CACNG4: variants seen among roughly 807,000 people sequenced by gnomAD.
CACNG4 encodes the protein voltage-dependent calcium channel gamma-4 subunit.
CACNG4 carries 8 observed loss-of-function variants against 22.9 expected under a neutral mutation model. The observed-to-expected ratio is 0.35, with a 90% CI of 0.21 to 0.63. The LOEUF is 0.63. CACNG4 is among the 30% of genes least tolerant of loss of function. The pLI is 0.72. For synonymous variants in CACNG4, 188 were observed against 191.9 expected, an observed-to-expected ratio of 0.98 and a Z score of 0.17; for missense variants, 357 against 455.4, an observed-to-expected ratio of 0.78 and a Z score of 1.97.
At chr17:66,998,802 C>T (rs1348347952) in intron 1 of CACNG4, among the ~76,000 whole-genome samples, 1 of 152,220 alleles carries the variant, frequency 6.6e-6, no homozygotes. Flanking sequence ...CCCACCCTGC[C>T]TTCTCACATG....
chr17:67,004,325 G>T (rs544108316), intron 1 of CACNG4, among the ~76,000 whole-genome samples: 2 of 152,300 alleles, frequency 1.3e-5, no homozygotes, highest in South Asian at 4.1e-4. Flanking sequence ...AATCTCGGCA[G>T]GAAGCCTGGA....
At chr17:66,980,265 A>G (rs2035263704) in intron 1 of CACNG4, among the ~76,000 whole-genome samples, 1 of 152,188 alleles carries the variant, frequency 6.6e-6, no homozygotes, top group Non-Finnish European at 1.5e-5. Context: ...CATCTCCTAC[A>G]ATAAAAGTGC....
chr17:66,977,525 C>T (rs1445927283), intron 1 of CACNG4, among the ~76,000 whole-genome samples: 4 of 152,168 alleles, frequency 2.6e-5, no homozygotes, highest in Non-Finnish European at 5.9e-5. Context: ...CTCTGGGCCT[C>T]AGTTATTTTC....
intron 1 of CACNG4, among the ~76,000 whole-genome samples, chr17:66,982,292 A>G (rs554588119): frequency 5.3e-4 from 80 of 152,230 alleles, no homozygotes; most frequent in African/African-American, 1.9e-3. Flanking sequence ...GGTCCATTTT[A>G]CAGTGTTGAT....
intron 1 of CACNG4, among the ~76,000 whole-genome samples, chr17:66,976,266 AGCCTCGGTTT>A: frequency 6.6e-6 from 1 of 152,012 alleles, no homozygotes; most frequent in Middle Eastern, 3.4e-3. Flanking sequence ...AACCTCCTAG[AGCCTCGGTTT>A]GCTCGGCTGT....
At chr17:66,966,855 A>T (rs191912795) in intron 1 of CACNG4, among the ~76,000 whole-genome samples, 1 of 152,198 alleles carries the variant, frequency 6.6e-6, no homozygotes, top group Non-Finnish European at 1.5e-5. Flanking sequence ...TTAGTGTGCA[A>T]TTGCTCAGAT....
intron 1 of CACNG4, among the ~76,000 whole-genome samples, chr17:67,006,519 C>T (rs1386975023): frequency 6.6e-6 from 1 of 152,156 alleles, no homozygotes; most frequent in Non-Finnish European, 1.5e-5. Flanking sequence ...CTCTGGGCTT[C>T]GTCTCGCCTG....
chr17:67,028,319 T>C (rs1598127653), intron 3 of CACNG4, among the ~76,000 whole-genome samples: 1 of 152,102 alleles, frequency 6.6e-6, no homozygotes, highest in Non-Finnish European at 1.5e-5. Context: ...TTTGGGAGGC[T>C]GAGGCGGGCG....
In CACNG4 at chr17:67,031,122, C is replaced by A; in HGVS notation, c.*118C>A. 1.7e-6 allele frequency: 2 copies of A among 1,174,632 alleles called. No homozygotes were observed. Among genetic ancestry groups the A allele is most frequent in the Non-Finnish European group, 2.4e-6 (2 of 833,106 alleles). The allele number at this position is 1,174,632 out of a possible 1,614,324, so 72.8% of individuals were successfully genotyped here. A position where few individuals can be genotyped will look rare whatever the true frequency, so the allele number is the denominator to read the frequency against. ...GAACTAAAGCCAAATGCAGCCCTCC[C>A]TGGCCTCCAGAGGTGGCGTGGGCTG... On this transcript the variant is annotated 3_prime_UTR_variant, in exon 4 of 4. Transcript: ENST00000262138. This position sits in a 1 kb window ranked among gnomAD's most constrained non-coding sequence, Gnocchi z 4.0.
At chr17:66,982,702 G>A (rs1041056490) in intron 1 of CACNG4, among the ~76,000 whole-genome samples, 3 of 152,058 alleles carry the variant, frequency 2.0e-5, no homozygotes, top group Non-Finnish European at 4.4e-5. Context: ...GACTGCAGAC[G>A]TGCACCACCA....
chr17:67,001,592 G>A (rs1271524868), intron 1 of CACNG4, among the ~76,000 whole-genome samples: 1 of 152,204 alleles, frequency 6.6e-6, no homozygotes, highest in Non-Finnish European at 1.5e-5. Flanking sequence ...CAAAGGCATG[G>A]ACGGGATGAC....
At chr17:66,978,781 A>T (rs1010572774) in intron 1 of CACNG4, among the ~76,000 whole-genome samples, 2 of 152,224 alleles carry the variant, frequency 1.3e-5, no homozygotes, top group Non-Finnish European at 2.9e-5. Context: ...TTGGCATGTC[A>T]TACAAAGGGG....
At chr17:66,970,245 A>G (rs2035195752) in intron 1 of CACNG4, among the ~76,000 whole-genome samples, 1 of 152,204 alleles carries the variant, frequency 6.6e-6, no homozygotes. Context: ...TCTGTCCACT[A>G]GTCAGGGGAA....
In CACNG4 at chr17:67,031,522, C is replaced by T; in HGVS notation, c.*518C>T. On this transcript the variant is annotated 3_prime_UTR_variant, in exon 4 of 4. Transcript: ENST00000262138. The surrounding 1 kb of genome is among the most constrained non-coding windows in gnomAD (Gnocchi z 4.0). ...GAAATCAGACCACCGAAGCTCACTC[C>T]CTTCCTCTCCATCTCTCCCTCTCTC... The T allele has an allele frequency of 2.2e-6, 1 of 457,240 alleles. No individual in the cohort carries two copies. Among genetic ancestry groups the T allele is most frequent in the South Asian group, 1.5e-5 (1 of 64,568 alleles). The allele number at this position is 457,240 out of a possible 1,614,324, so 28.3% of individuals were successfully genotyped here.
Position 67,030,418 on chromosome 17 carries a change from C to A in CACNG4, c.446-48C>A. 1 of 1,562,436 alleles carries A rather than the reference C, an allele frequency of 6.4e-7. No individual in the cohort carries two copies. The highest frequency in any genetic ancestry group is 8.8e-7 in the Non-Finnish European group (1 of 1,140,500). On this transcript the variant is annotated intron_variant, in intron 3 of 3. Coordinates refer to ENST00000262138, the MANE Select transcript of CACNG4 (RefSeq NM_014405.4). This position sits in a 1 kb window ranked among gnomAD's most constrained non-coding sequence, Gnocchi z 6.4. ...CGTCCCACTGTGGGTCTAACCTCTG[C>A]CTCTCTCCCTCCCTGGCCCCGCTCC... is the stretch of plus-strand genomic sequence containing the variant.
At chr17:67,019,857 G>T (rs1268168271) in intron 2 of CACNG4, 1 of 152,224 alleles carries the variant, frequency 6.6e-6, no homozygotes, top group Non-Finnish European at 1.5e-5. Flanking sequence ...TTGGCTTCAA[G>T]ATGCAGAAGC....
At chr17:66,996,839 C>T (rs533714309) in intron 1 of CACNG4, among the ~76,000 whole-genome samples, 14 of 152,242 alleles carry the variant, frequency 9.2e-5, no homozygotes, top group South Asian at 2.1e-4. Flanking sequence ...CAGACCATTA[C>T]GAGAATGCAA....
intron 1 of CACNG4, among the ~76,000 whole-genome samples, chr17:66,983,376 T>A (rs1444622280): frequency 2.0e-5 from 3 of 152,170 alleles, no homozygotes; most frequent in Non-Finnish European, 4.4e-5. Context: ...GTGCTGCGAA[T>A]ATCCAAAATA....
At chr17:66,976,751 C>T (rs180956872) in intron 1 of CACNG4, among the ~76,000 whole-genome samples, 43 of 152,306 alleles carry the variant, frequency 2.8e-4, no homozygotes, top group Admixed American at 2.7e-3. Flanking sequence ...AGAGGCACCA[C>T]ACAGGACACA....
Sources: gnomAD v4.1 joint callset for allele counts (sites outside exome capture counted in the v4.1 genomes callset) on GRCh38, gnomAD v4.1.1 for gene constraint, Gnocchi (gnomAD v3.1) non-coding constraint, MANE v1.5 for transcripts, NCBI Gene and HGNC (gene_info 2026-07-23, HGNC 2026-07-21) for gene names.